LRRC4C: variants seen among roughly 807,000 people sequenced by gnomAD.
The protein encoded by LRRC4C is leucine rich repeat containing 4C.
A neutral mutation model predicts 33.6 loss-of-function variants in LRRC4C; 5 were observed. The observed-to-expected ratio is 0.15, with a 90% CI of 0.08 to 0.31. The LOEUF (loss-of-function observed/expected upper bound fraction) is 0.31. LRRC4C is among the 10% of genes least tolerant of loss of function. The pLI is 1.00. For synonymous variants in LRRC4C, 329 were observed against 302.0 expected (o/e 1.09, Z -0.93); for missense variants, 560 against 796.7 (o/e 0.70, Z 3.58).
chr11:41,018,474 A>C (rs569441037), intron 1 of LRRC4C, among the ~76,000 whole-genome samples: 1 of 152,258 alleles, frequency 6.6e-6, no homozygotes, highest in Non-Finnish European at 1.5e-5. Flanking sequence ...AGGTTGACTT[A>C]CAACTCGTAA....
chr11:40,198,474 A>G (rs1053659064), intron 5 of LRRC4C, among the ~76,000 whole-genome samples: 2 of 152,222 alleles, frequency 1.3e-5, no homozygotes, highest in African/African-American at 2.4e-5. Context: ...TATAATATCA[A>G]TGCAAATATT....
intron 2 of LRRC4C, among the ~76,000 whole-genome samples, chr11:40,865,208 C>T (rs1204522972): frequency 1.3e-5 from 2 of 152,042 alleles, no homozygotes; most frequent in African/African-American, 4.8e-5. Context: ...CACGATCTCA[C>T]CCATATGTGC....
chr11:41,184,841 T>C (rs1391950447), intron 1 of LRRC4C, among the ~76,000 whole-genome samples: 1 of 147,526 alleles, frequency 6.8e-6, no homozygotes, highest in Admixed American at 6.7e-5. Context: ...AAAGGTTTAA[T>C]GGACTTACAG....
At chr11:41,450,407 GA>G (rs1955980338) in intron 1 of LRRC4C, among the ~76,000 whole-genome samples, 1 of 152,140 alleles carries the variant, frequency 6.6e-6, no homozygotes, top group Non-Finnish European at 1.5e-5. Flanking sequence ...AGCAACCACA[GA>G]AATATTTAAA....
chr11:41,295,583 G>A (rs2958861), intron 1 of LRRC4C, among the ~76,000 whole-genome samples: 61,839 of 150,182 alleles, frequency 0.41, 13,393 homozygotes, highest in Non-Finnish European at 0.49. Context: ...GAGTTTATAC[G>A]TTCAGGGCAA....
rs138477844 is a variant in LRRC4C at position 40,972,465 on chromosome 11, G to A, written c.-495-38742C>T. ...GTTTTAGAATGTGAGAAGGACATGA[G>A]ATTTGGTAGGGGCCAGGGCAAAATG... On this transcript the variant is annotated intron_variant, in intron 1 of 6. Coordinates refer to ENST00000528697, the MANE Select transcript of LRRC4C (RefSeq NM_001258419.2). Among the ~76,000 whole-genome samples the A allele has an allele frequency of 7.7e-3, 1,166 of 152,194 alleles. 12 individuals are homozygous for A. The highest frequency in any genetic ancestry group is 0.031 in the Middle Eastern group (9 of 294).
At chr11:40,926,060 C>A (rs919017315) in intron 2 of LRRC4C, among the ~76,000 whole-genome samples, 3 of 137,266 alleles carry the variant, frequency 2.2e-5, no homozygotes, top group Non-Finnish European at 4.9e-5. Context: ...AAGTCCAAAT[C>A]TAAGGGTTTT....
intron 3 of LRRC4C, among the ~76,000 whole-genome samples, chr11:40,554,010 A>G (rs1235617420): frequency 6.6e-6 from 1 of 152,152 alleles, no homozygotes; most frequent in Non-Finnish European, 1.5e-5. Flanking sequence ...TTAGTCATAA[A>G]TTCTTTGCTG....
At chr11:40,900,987 T>C (rs1283986195) in intron 2 of LRRC4C, among the ~76,000 whole-genome samples, 1 of 152,104 alleles carries the variant, frequency 6.6e-6, no homozygotes, top group African/African-American at 2.4e-5. Flanking sequence ...ATTTGAAGGT[T>C]TTATGGAATT....
intron 3 of LRRC4C, among the ~76,000 whole-genome samples, chr11:40,440,278 A>T (rs1235667926): frequency 6.7e-6 from 1 of 150,300 alleles, no homozygotes; most frequent in East Asian, 2.0e-4. Context: ...TAAATGACAA[A>T]ATCTTTAGTT....
intron 1 of LRRC4C, among the ~76,000 whole-genome samples, chr11:41,178,365 G>GT (rs761999720): frequency 1.3e-5 from 2 of 152,148 alleles, no homozygotes; most frequent in South Asian, 2.1e-4. Flanking sequence ...TGTTGTTGTT[G>GT]TTTTTTATTT....
chr11:40,868,906 T>G (rs1954499688), intron 2 of LRRC4C, among the ~76,000 whole-genome samples: 1 of 152,174 alleles, frequency 6.6e-6, no homozygotes, highest in Admixed American at 6.6e-5. Flanking sequence ...CTTTTGTTAT[T>G]CTCTGAGAAA....
intron 2 of LRRC4C, among the ~76,000 whole-genome samples, chr11:40,906,468 A>C (rs1179396556): frequency 1.3e-5 from 2 of 152,134 alleles, no homozygotes; most frequent in African/African-American, 4.8e-5. Flanking sequence ...CCGAGATCTC[A>C]CCACTGCACT....
At chr11:40,792,611 A>G (rs1379317714) in intron 2 of LRRC4C, among the ~76,000 whole-genome samples, 1 of 152,114 alleles carries the variant, frequency 6.6e-6, no homozygotes, top group Non-Finnish European at 1.5e-5. Context: ...TAGAAATACC[A>G]TTTGACCCAG....
chr11:40,655,298 A>G (rs1943044265), intron 2 of LRRC4C, among the ~76,000 whole-genome samples: 1 of 152,226 alleles, frequency 6.6e-6, no homozygotes, highest in African/African-American at 2.4e-5. Flanking sequence ...GACTGTCATC[A>G]TTCATAATAA....
chr11:40,141,974 C>A (rs1244820815), intron 5 of LRRC4C, among the ~76,000 whole-genome samples: 1 of 151,880 alleles, frequency 6.6e-6, no homozygotes, highest in Non-Finnish European at 1.5e-5. Flanking sequence ...GATTTTCTGT[C>A]CATAGGTTTA....
At chr11:41,305,849 C>T (rs1950482829) in intron 1 of LRRC4C, among the ~76,000 whole-genome samples, 1 of 134,448 alleles carries the variant, frequency 7.4e-6, no homozygotes, top group South Asian at 2.6e-4. Context: ...CCACTATTGT[C>T]CCATGACCCT....
intron 1 of LRRC4C, among the ~76,000 whole-genome samples, chr11:41,135,863 A>G (rs896043946): frequency 6.6e-4 from 101 of 152,320 alleles, no homozygotes; most frequent in Middle Eastern, 3.4e-3. Flanking sequence ...TAAAAAATCA[A>G]ATAGCACTCT....
chr11:40,591,044 C>A (rs985452489), intron 3 of LRRC4C, among the ~76,000 whole-genome samples: 2 of 152,078 alleles, frequency 1.3e-5, no homozygotes, highest in Admixed American at 6.6e-5. Context: ...TACCTAAGCA[C>A]GCCTGGGCAA....
Sources: gnomAD v4.1 joint callset for allele counts (sites outside exome capture counted in the v4.1 genomes callset) on GRCh38, gnomAD v4.1.1 for gene constraint, MANE v1.5 for transcripts, NCBI Gene and HGNC (gene_info 2026-07-23, HGNC 2026-07-21) for gene names.